The following PTPRT variants were observed in gnomAD, a reference collection of about 807,000 sequenced individuals.
PTPRT encodes protein tyrosine phosphatase receptor type T.
Under a neutral mutation model 176.8 loss-of-function variants are expected in PTPRT, and 56 were observed. The observed-to-expected ratio is 0.32, with a 90% CI of 0.26 to 0.40. The LOEUF is 0.40. Among genes scored for constraint, PTPRT ranks in the 10% least tolerant of loss-of-function variants. The pLI, the probability that PTPRT is intolerant of heterozygous loss-of-function variation, is 1.00. For synonymous variants in PTPRT, 783 were observed against 739.0 expected (o/e 1.06, Z -0.96); for missense variants, 1,540 against 1,908.2 (o/e 0.81, Z 3.60).
chr20:42,731,924 G>T (rs1212235224), intron 6 of PTPRT, among the ~76,000 whole-genome samples: 1 of 152,098 alleles, frequency 6.6e-6, no homozygotes, highest in Non-Finnish European at 1.5e-5. Context: ...CATTCTCCAG[G>T]TTTTAAACCA....
At chr20:42,534,902 T>C (rs1259180472) in intron 7 of PTPRT, among the ~76,000 whole-genome samples, 1 of 152,160 alleles carries the variant, frequency 6.6e-6, no homozygotes, top group Non-Finnish European at 1.5e-5. Flanking sequence ...ATGGTACGTA[T>C]TTGTTGAGCT....
intron 1 of PTPRT, among the ~76,000 whole-genome samples, chr20:42,936,046 A>G (rs577478575): frequency 1.3e-5 from 2 of 152,290 alleles, no homozygotes; most frequent in Non-Finnish European, 2.9e-5. Context: ...ACTATTCTAA[A>G]TGCTAAGTGA....
At position 42,678,061 on chromosome 20, in the gene PTPRT, T is replaced by C. The variant is rs202129510; in HGVS notation, c.958A>G (p.Ile320Val). 1.1e-5 allele frequency: 18 copies of C among 1,614,144 alleles called. No individual in the cohort carries two copies. The highest frequency in any genetic ancestry group is 2.2e-5 in the East Asian group (1 of 44,838). ...NANSIIGDGP[I>V]ILKEVEYRTT... Reference sequence around the variant, plus strand: ...CGATATTCCACTTCCTTCAGGATGATGGGGCCATCCCCGATGATGGAGTTG... The same window carrying C: ...CGATATTCCACTTCCTTCAGGATGACGGGGCCATCCCCGATGATGGAGTTG... Residue 320 changes from isoleucine (I) to valine (V), a missense_variant, in exon 7 of 31, where the codon ATC becomes GTC. By Grantham distance (29) the Ile-to-Val change is conservative. Transcript: ENST00000373187.
intron 1 of PTPRT, among the ~76,000 whole-genome samples, chr20:43,102,349 T>C: frequency 6.7e-6 from 1 of 150,288 alleles, no homozygotes; most frequent in East Asian, 1.9e-4. Context: ...ACCCCAGACA[T>C]CTTTTTAAAT....
intron 22 of PTPRT, among the ~76,000 whole-genome samples, chr20:42,112,474 G>A (rs980920249): frequency 6.6e-5 from 10 of 152,190 alleles, no homozygotes; most frequent in African/African-American, 1.9e-4. Flanking sequence ...CGGGTTGCCC[G>A]GTACGTGGGA....
At chr20:42,269,737 T>C (rs1451827762) in intron 13 of PTPRT, among the ~76,000 whole-genome samples, 1 of 152,224 alleles carries the variant, frequency 6.6e-6, no homozygotes, top group Non-Finnish European at 1.5e-5. Context: ...GGCCTCTGCA[T>C]GTGTACGGTC....
chr20:43,083,355 T>G (rs1353328503), intron 1 of PTPRT, among the ~76,000 whole-genome samples: 1,631 of 127,294 alleles, frequency 0.013, 127 homozygotes, highest in African/African-American at 0.047. Context: ...TATATATATA[T>G]ATATATATAT....
chr20:42,921,426 A>C (rs1979137224), intron 1 of PTPRT, among the ~76,000 whole-genome samples: 1 of 152,028 alleles, frequency 6.6e-6, no homozygotes, highest in Non-Finnish European at 1.5e-5. Context: ...TCTACAAAAA[A>C]TGTTAAAAGT....
intron 1 of PTPRT, among the ~76,000 whole-genome samples, chr20:43,129,244 G>A (rs559332787): frequency 6.6e-6 from 1 of 152,292 alleles, no homozygotes; most frequent in Admixed American, 6.5e-5. Context: ...CACTGTAAGA[G>A]GAAGGAGGCA....
rs548244704 is a variant in PTPRT at position 42,233,674 on chromosome 20, A to T, written c.2342+2555T>A. Among the ~76,000 whole-genome samples, 17 of 152,252 alleles carry T rather than the reference A, an allele frequency of 1.1e-4. No individual in the cohort carries two copies. The South Asian group carries it at 3.5e-3, about 32-fold the overall frequency. On this transcript the variant is annotated intron_variant, in intron 15 of 30. Coordinates refer to ENST00000373187, the MANE Select transcript of PTPRT (RefSeq NM_007050.6). Reference sequence around the variant, plus strand: ...AAGATGGTGCTTAAGAGGAAATGTAACCACCTAAGGTTTCTGTATAGAAGG... The same window carrying T: ...AAGATGGTGCTTAAGAGGAAATGTATCCACCTAAGGTTTCTGTATAGAAGG...
intron 7 of PTPRT, among the ~76,000 whole-genome samples, chr20:42,514,602 T>G (rs2072026881): frequency 6.6e-6 from 1 of 152,202 alleles, no homozygotes; most frequent in South Asian, 2.1e-4. Context: ...TTCAACGTTT[T>G]AACACATTTG....
intron 6 of PTPRT, among the ~76,000 whole-genome samples, chr20:42,755,476 C>T (rs2076817791): frequency 6.6e-6 from 1 of 152,024 alleles, no homozygotes; most frequent in South Asian, 2.1e-4. Flanking sequence ...ATTTCATTCA[C>T]TAAATTATGC....
chr20:42,386,639 G>A (rs965230850), intron 9 of PTPRT, among the ~76,000 whole-genome samples: 2 of 152,124 alleles, frequency 1.3e-5, no homozygotes, highest in African/African-American at 4.8e-5. Flanking sequence ...GAGGCAGGTG[G>A]ATCACGAGGT....
intron 8 of PTPRT, among the ~76,000 whole-genome samples, chr20:42,454,187 G>A (rs1374729550): frequency 1.3e-5 from 2 of 152,064 alleles, no homozygotes; most frequent in Non-Finnish European, 2.9e-5. Context: ...GCACATAGTT[G>A]TATCTAATTC....
rs145578927 is a variant in PTPRT, at chr20:42,395,869, C to T, written c.1561-43584G>A. ...CTTCTGTCTCATTTGATGATTCTGC[C>T]TCAAATTTTCCACCTTAAAAATCCA... On this transcript the variant is annotated intron_variant, in intron 9 of 30. Transcript: ENST00000373187. 3.7e-3 allele frequency among the ~76,000 whole-genome samples: 567 copies of T among 152,224 alleles called. 5 individuals are homozygous for T. Among genetic ancestry groups the T allele is most frequent in the South Asian group, 6.4e-3 (31 of 4,824 alleles).
At chr20:42,243,853 A>G (rs1349441249) in intron 14 of PTPRT, among the ~76,000 whole-genome samples, 2 of 152,214 alleles carry the variant, frequency 1.3e-5, no homozygotes, top group African/African-American at 4.8e-5. Context: ...CTAACCTACT[A>G]TGATTATTAG....
intron 2 of PTPRT, among the ~76,000 whole-genome samples, chr20:42,846,903 T>C (rs1439741314): frequency 1.3e-5 from 2 of 152,146 alleles, no homozygotes; most frequent in East Asian, 3.9e-4. Context: ...TGGTAGAAAA[T>C]GTGCAGGAAC....
At chr20:42,235,538 C>T (rs2056224542) in intron 15 of PTPRT, among the ~76,000 whole-genome samples, 2 of 152,034 alleles carry the variant, frequency 1.3e-5, no homozygotes, top group Non-Finnish European at 2.9e-5. Context: ...GGATTATAGG[C>T]GTGAGCCACC....
intron 11 of PTPRT, among the ~76,000 whole-genome samples, chr20:42,348,338 C>A (rs181131192): frequency 6.6e-6 from 1 of 151,886 alleles, no homozygotes; most frequent in African/African-American, 2.4e-5. Context: ...TTTCCAGACA[C>A]CAACCATTTC....
Sources: gnomAD v4.1 joint callset for allele counts (sites outside exome capture counted in the v4.1 genomes callset) on GRCh38, gnomAD v4.1.1 for gene constraint, MANE v1.5 for transcripts, NCBI Gene and HGNC (gene_info 2026-07-23, HGNC 2026-07-21) for gene names.